The following MGAT4C variants were observed in gnomAD, a reference collection of about 807,000 sequenced individuals.
The protein encoded by MGAT4C is MGAT4 family member C.
MGAT4C carries 19 observed loss-of-function variants against 40.1 expected under a neutral mutation model. The observed-to-expected ratio is 0.47, with a 90% CI of 0.33 to 0.70. MGAT4C has a LOEUF of 0.70. Ranked by LOEUF, MGAT4C falls within the 30% of genes least tolerant of loss-of-function variation. MGAT4C has a pLI of 0.02. For synonymous variants in MGAT4C, 181 were observed against 187.1 expected, an observed-to-expected ratio of 0.97 and a Z score of 0.27; for missense variants, 491 against 563.2, an observed-to-expected ratio of 0.87 and a Z score of 1.30.
intron 2 of MGAT4C, among the ~76,000 whole-genome samples, chr12:86,514,034 CA>C (rs1307390282): frequency 6.0e-5 from 9 of 149,834 alleles, no homozygotes; most frequent in Non-Finnish European, 4.4e-5. Flanking sequence ...GCAGAGTTGT[CA>C]GCTGCCTAAG....
intron 2 of MGAT4C, among the ~76,000 whole-genome samples, chr12:86,595,693 T>A (rs1961510961): frequency 6.6e-6 from 1 of 152,212 alleles, no homozygotes; most frequent in Admixed American, 6.5e-5. Flanking sequence ...CCTGGTTAAA[T>A]GAATAACAAG....
intron 2 of MGAT4C, among the ~76,000 whole-genome samples, chr12:86,716,390 T>C (rs1373315681): frequency 6.6e-6 from 1 of 152,120 alleles, no homozygotes; most frequent in Non-Finnish European, 1.5e-5. Flanking sequence ...CTTTTTTTAT[T>C]CCTTTTGGTG....
At chr12:86,465,407 T>C (rs1251468232) in intron 2 of MGAT4C, among the ~76,000 whole-genome samples, 2 of 152,074 alleles carry the variant, frequency 1.3e-5, no homozygotes, top group African/African-American at 4.8e-5. Flanking sequence ...ACTCCTGCTC[T>C]GCAAATAATT....
chr12:86,063,327 G>A (rs185493832), intron 1 of MGAT4C, among the ~76,000 whole-genome samples: 5 of 152,256 alleles, frequency 3.3e-5, no homozygotes, highest in Admixed American at 1.3e-4. Flanking sequence ...CAAATGCTGA[G>A]AGATTTTGTC....
chr12:86,800,859 GC>G (rs1952212789), intron 1 of MGAT4C, among the ~76,000 whole-genome samples: 1 of 151,740 alleles, frequency 6.6e-6, no homozygotes, highest in Non-Finnish European at 1.5e-5. Context: ...ATCTATATTT[GC>G]CTTACCCAAT....
intron 3 of MGAT4C, among the ~76,000 whole-genome samples, chr12:86,414,913 C>CA (rs1397487425): frequency 6.6e-6 from 1 of 152,054 alleles, no homozygotes; most frequent in Non-Finnish European, 1.5e-5. Context: ...TTTCTCCCTG[C>CA]AAAACAAGTT....
At chr12:86,699,778 A>C (rs993855929) in intron 2 of MGAT4C, among the ~76,000 whole-genome samples, 3 of 152,164 alleles carry the variant, frequency 2.0e-5, no homozygotes, top group Non-Finnish European at 4.4e-5. Context: ...CATAAAAAGT[A>C]GAAAATTTAT....
intron 2 of MGAT4C, among the ~76,000 whole-genome samples, chr12:86,553,123 A>G (rs1317280922): frequency 6.6e-6 from 1 of 152,150 alleles, no homozygotes; most frequent in Admixed American, 6.5e-5. Context: ...ATAATTATCA[A>G]GCAAATCACT....
At position 86,504,654 on chromosome 12, in the gene MGAT4C, T is replaced by C. The variant is rs141836945; in HGVS notation, c.-228-69389A>G. On this transcript the variant is annotated intron_variant, in intron 2 of 7. Transcript: ENST00000548651. ...CCTTCTTTCCAGCAAGGTATGTTAG[T>C]TAATAGGAGGACAACATATACATAG... is the stretch of plus-strand genomic sequence containing the variant. Among the ~76,000 whole-genome samples the C allele has an allele frequency of 7.8e-3, 1,188 of 152,274 alleles. 5 individuals carry two copies. Among genetic ancestry groups the C allele is most frequent in the Middle Eastern group, 0.027 (8 of 294 alleles).
At chr12:86,465,856 A>T (rs913493806) in intron 2 of MGAT4C, among the ~76,000 whole-genome samples, 39 of 152,208 alleles carry the variant, frequency 2.6e-4, no homozygotes, top group African/African-American at 9.4e-4. Context: ...CTTACCATAT[A>T]ATCCAATAAT....
intron 3 of MGAT4C, among the ~76,000 whole-genome samples, chr12:86,375,912 T>C (rs1301497270): frequency 6.6e-6 from 1 of 152,078 alleles, no homozygotes; most frequent in South Asian, 2.1e-4. Flanking sequence ...GTGGGAGAGA[T>C]AAATATAGAT....
intron 1 of MGAT4C, among the ~76,000 whole-genome samples, chr12:86,813,461 C>T (rs1952515914): frequency 1.4e-5 from 2 of 143,186 alleles, no homozygotes; most frequent in South Asian, 2.1e-4. Flanking sequence ...GTGAATTTTC[C>T]TGGTACCATA....
At chr12:85,994,616 C>T (rs1245895033) in intron 2 of MGAT4C, among the ~76,000 whole-genome samples, 2 of 151,274 alleles carry the variant, frequency 1.3e-5, no homozygotes, top group Non-Finnish European at 2.9e-5. Flanking sequence ...TAAAAAAATC[C>T]CCCCCCAGCC....
At chr12:86,566,856 T>A (rs1192779411) in intron 2 of MGAT4C, among the ~76,000 whole-genome samples, 1 of 151,044 alleles carries the variant, frequency 6.6e-6, no homozygotes, top group Non-Finnish European at 1.5e-5. Flanking sequence ...AAGACTACCA[T>A]CCATGGAATC....
At chr12:86,377,509 T>A (rs1051524953) in intron 3 of MGAT4C, among the ~76,000 whole-genome samples, 1 of 152,228 alleles carries the variant, frequency 6.6e-6, no homozygotes, top group Non-Finnish European at 1.5e-5. Context: ...GCAGCATATA[T>A]GTTGTGTTCA....
chr12:86,256,971 T>C (rs1463092415), upstream of MGAT4C, among the ~76,000 whole-genome samples: 1 of 152,196 alleles, frequency 6.6e-6, no homozygotes, highest in African/African-American at 2.4e-5. Context: ...TAAACACTGT[T>C]TGCAAAGTTT....
At chr12:86,264,482 G>T (rs1053190802) in intron 4 of MGAT4C, among the ~76,000 whole-genome samples, 1 of 152,290 alleles carries the variant, frequency 6.6e-6, no homozygotes, top group South Asian at 2.1e-4. Flanking sequence ...GAGGCGGGGA[G>T]GGGGCTGCGC....
chr12:86,061,708 T>C (rs1400574454), intron 1 of MGAT4C, among the ~76,000 whole-genome samples: 1 of 152,120 alleles, frequency 6.6e-6, no homozygotes, highest in Admixed American at 6.6e-5. Context: ...CCGCCATTAC[T>C]GAGGCTTGAG....
At position 85,995,156 on chromosome 12, in the gene MGAT4C, CA is replaced by C. The variant is rs556947025; in HGVS notation, c.-6-5605del. Among the ~76,000 whole-genome samples, 609 of 152,174 alleles carry C rather than the reference CA, an allele frequency of 4.0e-3. 1 individual carries two copies. The highest frequency in any genetic ancestry group is 7.1e-3 in the Non-Finnish European group (481 of 68,008). The stretch of plus-strand genomic sequence containing the variant: ...GGGCAATATCCCCAAGTGAAGAAAC[CA>C]AATAGGTAAGCCCTGTGATTTTTCC... On this transcript the variant is annotated intron_variant, in intron 2 of 4. Transcript: ENST00000611864.
Sources: allele counts gnomAD v4.1 joint callset (sites outside exome capture counted in the v4.1 genomes callset), GRCh38; gene constraint gnomAD v4.1.1; transcripts MANE v1.5; gene names NCBI Gene and HGNC (gene_info 2026-07-23, HGNC 2026-07-21).